The following EVC variants were observed in gnomAD, a reference collection of about 807,000 sequenced individuals.
EVC encodes the protein EvC ciliary complex subunit 1.
In EVC, 116 loss-of-function variants were observed where a neutral mutation model predicts 118.9. The ratio of observed to expected loss-of-function variants is 0.98; its 90% CI spans 0.84 to 1.14. The LOEUF (loss-of-function observed/expected upper bound fraction) is 1.14. Ranked by LOEUF, EVC falls within the 50% of genes most tolerant of loss-of-function variation. The pLI, the probability that EVC is intolerant of heterozygous loss-of-function variation, is 0.00. For synonymous variants in EVC, 619 were observed against 534.7 expected (o/e 1.16, Z -2.18); for missense variants, 1,401 against 1,246.4 (o/e 1.12, Z -1.87).
Position 5,743,091 on chromosome 4 carries a change from A to G in EVC, c.801+1277A>G, listed in dbSNP as rs1728851434. On this transcript the variant is annotated intron_variant, in intron 6 of 20. Transcript: ENST00000264956. This position sits in a 1 kb window ranked among gnomAD's most constrained non-coding sequence, Gnocchi z 4.7. Reference sequence around the variant, plus strand: ...GGACAGTAACTTCTGGGTTGTTGCCATGGAAAAGGGTGGTAACTTTTGGGT... The same window carrying G: ...GGACAGTAACTTCTGGGTTGTTGCCGTGGAAAAGGGTGGTAACTTTTGGGT... 6.6e-6 allele frequency among the ~76,000 whole-genome samples: 1 copy of G among 152,254 alleles called. No homozygotes were observed.
chr4:5,806,297 G>C (rs1297435895), intron 17 of EVC, among the ~76,000 whole-genome samples: 1 of 151,588 alleles, frequency 6.6e-6, no homozygotes, highest in Non-Finnish European at 1.5e-5. Context: ...GGCCAGGCCG[G>C]TCTCAAACTC....
the EVC span, among the ~76,000 whole-genome samples, chr4:5,823,738 C>G: frequency 1.3e-5 from 2 of 152,236 alleles, no homozygotes. Flanking sequence ...AGGCCCTCAC[C>G]AGAAGCAGAC....
intron 8 of EVC, among the ~76,000 whole-genome samples, chr4:5,750,288 AT>A (rs1489751811): frequency 6.6e-6 from 1 of 152,136 alleles, no homozygotes. Flanking sequence ...TTCTTCCTAT[AT>A]TTTTTTCTTT....
intron 12 of EVC, among the ~76,000 whole-genome samples, chr4:5,793,161 T>G (rs1014243748): frequency 1.3e-5 from 2 of 152,142 alleles, no homozygotes; most frequent in African/African-American, 4.8e-5. Flanking sequence ...TTAGTAAGCA[T>G]GGTATTGGTG....
chr4:5,729,176 C>A, intron 2 of EVC, 131 bp from the exon 3 acceptor site: 1 of 806,740 alleles, frequency 1.2e-6, no homozygotes, highest in Non-Finnish European at 2.2e-6. Flanking sequence ...TAATATGAAT[C>A]TAAATGTGCC....
chr4:5,758,697 C>A (rs1363787277), intron 11 of EVC, among the ~76,000 whole-genome samples: 1 of 152,088 alleles, frequency 6.6e-6, no homozygotes, highest in Non-Finnish European at 1.5e-5. Flanking sequence ...TGTATCTTGC[C>A]CAGGTTTTAC....
chr4:5,806,233 C>G (rs985786993), intron 17 of EVC, among the ~76,000 whole-genome samples: 5 of 152,008 alleles, frequency 3.3e-5, no homozygotes, highest in African/African-American at 1.2e-4. Context: ...GCGCGCACCA[C>G]CATGCCCAGC....
intron 11 of EVC, among the ~76,000 whole-genome samples, chr4:5,777,063 C>G (rs538610485): frequency 6.6e-6 from 1 of 151,770 alleles, no homozygotes; most frequent in South Asian, 2.1e-4. Context: ...ATCATGTTAC[C>G]TTATCTCCTC....
intron 19 of EVC, among the ~76,000 whole-genome samples, chr4:5,809,822 G>A (rs1055883587): frequency 6.6e-6 from 1 of 152,144 alleles, no homozygotes; most frequent in Non-Finnish European, 1.5e-5. Flanking sequence ...TCCAGTTCTT[G>A]GGTCTGGTGT....
intron 1 of EVC, among the ~76,000 whole-genome samples, chr4:5,716,001 C>T (rs928377457): frequency 2.0e-5 from 3 of 152,226 alleles, no homozygotes; most frequent in African/African-American, 7.2e-5. Context: ...CTCGGCCTCC[C>T]AGAGTGCTGG....
chr4:5,816,032 A>G (rs1184900739), downstream of EVC, among the ~76,000 whole-genome samples: 1 of 152,130 alleles, frequency 6.6e-6, no homozygotes, highest in Admixed American at 6.5e-5. Context: ...CATGGCTTAT[A>G]GATTTGGCTG....
intron 7 of EVC, among the ~76,000 whole-genome samples, chr4:5,747,831 G>A (rs370266868): frequency 2.4e-4 from 37 of 152,054 alleles, no homozygotes; most frequent in African/African-American, 8.0e-4. Context: ...ACATTTCATC[G>A]GCCCCTAGGT....
At chr4:5,807,690 T>A (rs1004021815) in intron 17 of EVC, among the ~76,000 whole-genome samples, 4 of 152,118 alleles carry the variant, frequency 2.6e-5, no homozygotes, top group Non-Finnish European at 5.9e-5. Context: ...TCCCAGAGGC[T>A]GCATCCCAAG....
chr4:5,772,094 C>T lies in EVC; in HGVS notation c.1564-11458C>T, dbSNP rs370615468. Among the ~76,000 whole-genome samples the T allele has an allele frequency of 1.4e-3, 218 of 152,124 alleles. 2 individuals are homozygous for T. The highest frequency in any genetic ancestry group is 4.9e-3 in the African/African-American group (203 of 41,460). On this transcript the variant is annotated intron_variant, in intron 11 of 20. Coordinates refer to ENST00000264956, the MANE Select transcript of EVC (RefSeq NM_153717.3). Reference sequence around the variant, plus strand: ...TGTATTTTTAGTAGAGACAAGGTTTCACCGTGTTAGCCAGGATGGTCTCAA... The same window carrying T: ...TGTATTTTTAGTAGAGACAAGGTTTTACCGTGTTAGCCAGGATGGTCTCAA...
At position 5,754,572 on chromosome 4, in the gene EVC, G is replaced by C. The variant is rs1198129324; in HGVS notation, c.1464+639G>C. ...AGAGAGACCACCGAGCTCTGGTTTC[G>C]CTCTGCTTGCTTTCACTAGTAATGG... On this transcript the variant is annotated intron_variant, in intron 10 of 20. Transcript: ENST00000264956. This position sits in a 1 kb window ranked among gnomAD's most constrained non-coding sequence, Gnocchi z 5.8. 1.3e-5 allele frequency among the ~76,000 whole-genome samples: 2 copies of C among 152,090 alleles called. No individual in the cohort carries two copies. The highest frequency in any genetic ancestry group is 1.3e-4 in the Admixed American group (2 of 15,280).
chr4:5,784,618 T>G (rs1736145443), intron 12 of EVC, among the ~76,000 whole-genome samples: 1 of 150,220 alleles, frequency 6.7e-6, no homozygotes, highest in Admixed American at 6.6e-5. Flanking sequence ...TTTTTTTTTT[T>G]TTTTTTTTTT....
At chr4:5,748,498 A>T (rs1729718983) in intron 8 of EVC, among the ~76,000 whole-genome samples, 192 bp downstream of exon 8, 1 of 147,552 alleles carries the variant, frequency 6.8e-6, no homozygotes, top group African/African-American at 2.6e-5. Context: ...CCACCCATCC[A>T]TCCACCCATT....
At chr4:5,781,500 TG>T (rs1735589600) in intron 11 of EVC, among the ~76,000 whole-genome samples, 1 of 152,054 alleles carries the variant, frequency 6.6e-6, no homozygotes, top group African/African-American at 2.4e-5. Flanking sequence ...GAGTCCATTC[TG>T]GGTGTAAAAG....
chr4:5,768,771 C>T (rs62297668), intron 11 of EVC, among the ~76,000 whole-genome samples: 43,343 of 151,068 alleles, frequency 0.29, 6,581 homozygotes, highest in South Asian at 0.37. Flanking sequence ...GCATGAGAAT[C>T]GCTTGAACCC....
Sources: gnomAD v4.1 joint callset for allele counts (sites outside exome capture counted in the v4.1 genomes callset) on GRCh38, gnomAD v4.1.1 for gene constraint, Gnocchi (gnomAD v3.1) non-coding constraint, MANE v1.5 for transcripts, NCBI Gene and HGNC (gene_info 2026-07-23, HGNC 2026-07-21) for gene names.